The following TOP6BL variants were observed in gnomAD, a reference collection of about 807,000 sequenced individuals.
The protein encoded by TOP6BL is type 2 DNA topoisomerase 6 subunit B-like.
chr11:66,798,983 G>A, the TOP6BL span, among the ~76,000 whole-genome samples: 1 of 152,052 alleles, frequency 6.6e-6, no homozygotes, highest in Non-Finnish European at 1.5e-5. Context: ...GAGGTGGGCA[G>A]ATCACCTGAG....
At chr11:66,761,296 G>A in the TOP6BL span, among the ~76,000 whole-genome samples, 64 of 152,122 alleles carry the variant, frequency 4.2e-4, no homozygotes, top group African/African-American at 1.4e-3. Context: ...GGGTGAACCC[G>A]GGAGGCGGAG....
At chr11:66,744,834 C>CGGG in the TOP6BL span, 1 of 1,326,700 alleles carries the variant, frequency 7.5e-7, no homozygotes. Context: ...GCGGCGGCGG[C>CGGG]GGCGGCGGCG....
At chr11:66,843,357 C>CGGCCCGGGCG in the TOP6BL span, 229 of 1,455,264 alleles carry the variant, frequency 1.6e-4, no homozygotes, top group Middle Eastern at 7.5e-4. Context: ...GCGTCGGGCC[C>CGGCCCGGGCG]GGGCGGGGCG....
the TOP6BL span, among the ~76,000 whole-genome samples, chr11:66,837,342 T>C: frequency 1.3e-5 from 2 of 152,006 alleles, no homozygotes; most frequent in African/African-American, 4.8e-5. Context: ...TTAGCCAGGA[T>C]GGTTTCAATC....
At chr11:66,777,758 G>A in the TOP6BL span, among the ~76,000 whole-genome samples, 4 of 152,050 alleles carry the variant, frequency 2.6e-5, 1 homozygote. Flanking sequence ...TGTAGTCCCA[G>A]CTACTCGGGA....
chr11:66,755,867 C>G, the TOP6BL span, among the ~76,000 whole-genome samples: 3 of 152,206 alleles, frequency 2.0e-5, no homozygotes, highest in Non-Finnish European at 4.4e-5. Context: ...GTATTTCTCT[C>G]TTTCTTCACA....
the TOP6BL span, among the ~76,000 whole-genome samples, chr11:66,804,797 C>T: frequency 1.3e-5 from 2 of 151,618 alleles, no homozygotes; most frequent in African/African-American, 4.9e-5. Flanking sequence ...TTAGGCCGGG[C>T]GTGGTGGCTC....
chr11:66,837,293 AT>A, the TOP6BL span, among the ~76,000 whole-genome samples: 1 of 149,472 alleles, frequency 6.7e-6, no homozygotes, highest in African/African-American at 2.5e-5. Flanking sequence ...CGCCTGGCTA[AT>A]TTTTTTGTAT....
At chr11:66,750,582 C>T in the TOP6BL span, among the ~76,000 whole-genome samples, 15 of 151,802 alleles carry the variant, frequency 9.9e-5, no homozygotes, top group Admixed American at 9.2e-4. Flanking sequence ...CAGTACCCTG[C>T]GTGCTTCCCC....
At chr11:66,838,158 G>T in the TOP6BL span, among the ~76,000 whole-genome samples, 1 of 152,146 alleles carries the variant, frequency 6.6e-6, no homozygotes, top group African/African-American at 2.4e-5. Flanking sequence ...AGGATGTGCC[G>T]TGAATGGCCA....
the TOP6BL span, among the ~76,000 whole-genome samples, chr11:66,817,395 C>G: frequency 6.6e-6 from 1 of 151,932 alleles, no homozygotes; most frequent in African/African-American, 2.4e-5. Flanking sequence ...ATTTTCTGGT[C>G]CATGAAACAC....
the TOP6BL span, among the ~76,000 whole-genome samples, chr11:66,766,266 C>G: frequency 5.3e-5 from 8 of 152,204 alleles, no homozygotes; most frequent in South Asian, 1.7e-3. Context: ...TCTGTTCTAC[C>G]AGGGTTGTAT....
the TOP6BL span, chr11:66,842,933 C>A: frequency 6.4e-7 from 1 of 1,559,186 alleles, no homozygotes; most frequent in South Asian, 1.2e-5. Context: ...TCTGCCAGGG[C>A]CCCGAGCCCG....
chr11:66,757,085 G>T, the TOP6BL span, among the ~76,000 whole-genome samples: 1 of 151,336 alleles, frequency 6.6e-6, no homozygotes, highest in African/African-American at 2.4e-5. Context: ...GCTCATACCT[G>T]TAATCCCAGC....
At chr11:66,791,818 A>T in the TOP6BL span, among the ~76,000 whole-genome samples, 4 of 138,196 alleles carry the variant, frequency 2.9e-5, no homozygotes, top group South Asian at 2.3e-4. Flanking sequence ...CTTTCTAATA[A>T]TTTTTTTTTT....
the TOP6BL span, among the ~76,000 whole-genome samples, chr11:66,839,409 G>A: frequency 2.0e-5 from 3 of 152,350 alleles, no homozygotes; most frequent in East Asian, 5.8e-4. Flanking sequence ...GCTGTCTCTG[G>A]AAGAGCCGAA....
chr11:66,806,282 T>G, the TOP6BL span, among the ~76,000 whole-genome samples: 1 of 152,226 alleles, frequency 6.6e-6, no homozygotes, highest in Non-Finnish European at 1.5e-5. Flanking sequence ...AGGATGATAC[T>G]TATCTCATAG....
At chr11:66,751,104 C>T in the TOP6BL span, among the ~76,000 whole-genome samples, 4 of 147,974 alleles carry the variant, frequency 2.7e-5, no homozygotes, top group African/African-American at 5.0e-5. Context: ...CAGCCTTGAC[C>T]CCCTGAGCTC....
chr11:66,796,413 T>C, the TOP6BL span: 10 of 1,417,588 alleles, frequency 7.1e-6, no homozygotes, highest in African/African-American at 1.4e-5. Context: ...AAGTCATTGT[T>C]TTCCAGAGAC....
Sources: gnomAD v4.1 joint callset for allele counts (sites outside exome capture counted in the v4.1 genomes callset) on GRCh38, gnomAD v4.1.1 for gene constraint, MANE v1.5 for transcripts, NCBI Gene and HGNC (gene_info 2026-07-23, HGNC 2026-07-21) for gene names.